Variants in CSNK1A1 observed in about 807,000 individuals in gnomAD.
CSNK1A1 encodes the protein casein kinase I isoform alpha.
In CSNK1A1, 7 loss-of-function variants were observed where a neutral mutation model predicts 46.1. That is an observed-to-expected ratio of 0.15 (90% CI 0.09 to 0.29). The LOEUF is 0.29. Among genes scored for constraint, CSNK1A1 ranks in the 10% least tolerant of loss-of-function variants. CSNK1A1 has a pLI of 1.00. For missense variants in CSNK1A1, 96 were observed against 417.1 expected (o/e 0.23, Z 6.71); for synonymous variants, 137 against 141.5 (o/e 0.97, Z 0.23).
intron 2 of CSNK1A1, among the ~76,000 whole-genome samples, chr5:149,526,014 T>C: frequency 6.6e-6 from 1 of 152,266 alleles, no homozygotes. Context: ...CATTTCTTTG[T>C]TAACTCCAAT....
chr5:149,496,281 G>C lies in CSNK1A1; in HGVS notation c.*572C>G, dbSNP rs1052175977. The C allele has an allele frequency of 4.1e-4, 63 of 152,912 alleles. No individual in the cohort carries two copies. The highest frequency in any genetic ancestry group is 2.1e-4 in the South Asian group (1 of 4,840). 9.5% of individuals were successfully genotyped at this position (152,912 alleles called of 1,614,324 possible). A position where few individuals can be genotyped will look rare whatever the true frequency, so the allele number is the denominator to read the frequency against. ...TTTCTAGCACAATTAAGCAGGCAGA[G>C]TCTTTCATATGCTCAAACACTGGAA... On this transcript the variant is annotated 3_prime_UTR_variant, in exon 10 of 10. Coordinates refer to ENST00000377843, the MANE Select transcript of CSNK1A1 (RefSeq NM_001892.6).
chr5:149,542,114 C>T (rs1762251709), intron 2 of CSNK1A1, among the ~76,000 whole-genome samples: 1 of 151,856 alleles, frequency 6.6e-6, no homozygotes, highest in Non-Finnish European at 1.5e-5. Flanking sequence ...CCAAAGCTGG[C>T]ATTACCGCCT....
rs766243676 is a variant in CSNK1A1, at chr5:149,520,271, C to T, written c.456+19G>A. ...AAACTTTACTCTTTGTTCTTTCATGCAAAGAGCATTTGACTAACCTTATTA... is the reference window on the plus strand; with the variant it reads ...AAACTTTACTCTTTGTTCTTTCATGTAAAGAGCATTTGACTAACCTTATTA... On this transcript the variant is annotated intron_variant, in intron 4 of 9. Coordinates refer to ENST00000377843, the MANE Select transcript of CSNK1A1 (RefSeq NM_001892.6). 7.7e-5 allele frequency: 111 copies of T among 1,448,582 alleles called. No homozygotes were observed. Among genetic ancestry groups the T allele is most frequent in the Non-Finnish European group, 9.1e-5 (95 of 1,041,190 alleles). The allele number at this position is 1,448,582 out of a possible 1,614,324, so 89.7% of individuals were successfully genotyped here.
chr5:149,516,181 A>C (rs577511993), intron 4 of CSNK1A1, among the ~76,000 whole-genome samples: 1 of 152,230 alleles, frequency 6.6e-6, no homozygotes, highest in South Asian at 2.1e-4. Flanking sequence ...TTAGCCGGGC[A>C]TGGTGGCGCA....
chr5:149,511,734 A>G (rs1761229263), intron 6 of CSNK1A1, 60 bp downstream of exon 6: 1 of 1,164,626 alleles, frequency 8.6e-7, no homozygotes, highest in Non-Finnish European at 1.3e-6. Context: ...TATCTTCTCC[A>G]ATATATATTT....
chr5:149,504,178 T>A, intron 9 of CSNK1A1: 1 of 985,428 alleles, frequency 1.0e-6, no homozygotes, highest in Non-Finnish European at 1.2e-6. Context: ...TGAGTTTACA[T>A]GTCACCATCT....
chr5:149,542,659 T>C (rs1306827386), intron 2 of CSNK1A1, among the ~76,000 whole-genome samples: 2 of 18,552 alleles, frequency 1.1e-4, no homozygotes, highest in Non-Finnish European at 1.7e-4. Flanking sequence ...TATATATATA[T>C]ATATATATAT....
At chr5:149,498,461 T>C (rs1760724969) in intron 9 of CSNK1A1, 1 of 985,280 alleles carries the variant, frequency 1.0e-6, no homozygotes, top group Admixed American at 6.1e-5. Flanking sequence ...AATCTGACTA[T>C]ACCCTGTGAC....
At chr5:149,505,695 C>T (rs992722848) in intron 8 of CSNK1A1, 100 bp from the exon 9 acceptor site, 110 of 938,124 alleles carry the variant, frequency 1.2e-4, no homozygotes, top group Non-Finnish European at 1.5e-4. Context: ...CTTTACACAA[C>T]GAATATTTCC....
At chr5:149,532,855 T>G (rs1761944166) in intron 2 of CSNK1A1, among the ~76,000 whole-genome samples, 1 of 152,196 alleles carries the variant, frequency 6.6e-6, no homozygotes, top group South Asian at 2.1e-4. Flanking sequence ...TACATAGATC[T>G]CATGGGGGGT....
intron 9 of CSNK1A1, chr5:149,503,161 T>G (rs374628082): frequency 1.0e-6 from 1 of 985,438 alleles, no homozygotes; most frequent in African/African-American, 1.7e-5. Flanking sequence ...AGGAATAACA[T>G]AGAGCAATTG....
chr5:149,532,103 T>C (rs1399681547), intron 2 of CSNK1A1, among the ~76,000 whole-genome samples: 2 of 152,196 alleles, frequency 1.3e-5, no homozygotes, highest in East Asian at 3.9e-4. Flanking sequence ...GATTTTGAAC[T>C]CCTGGCCTCA....
chr5:149,510,241 A>C (rs928161203), intron 6 of CSNK1A1, among the ~76,000 whole-genome samples: 3 of 152,062 alleles, frequency 2.0e-5, no homozygotes, highest in Non-Finnish European at 4.4e-5. Context: ...GCCAAAATTG[A>C]AAAGCATTTT....
chr5:149,542,616 A>ATATATATATGTATG (rs1561772201), intron 2 of CSNK1A1, among the ~76,000 whole-genome samples: 2 of 12,022 alleles, frequency 1.7e-4, no homozygotes, highest in South Asian at 3.3e-3. Flanking sequence ...ATATATATAT[A>ATATATATATGTATG]TATATATATA....
In CSNK1A1 at chr5:149,497,349, C is replaced by T. The variant is rs528205200; in HGVS notation, c.1007-489G>A. ...CTGTATTATTTTACTAAACAAAGAC[C>T]TGAGAAGCATGTAATTTCTGTAGAG... On this transcript the variant is annotated intron_variant, in intron 9 of 9. Transcript: ENST00000377843. The T allele has an allele frequency of 2.9e-5, 29 of 986,438 alleles. No individual in the cohort carries two copies. The Middle Eastern group carries it at 2.1e-3, about 71-fold the overall frequency. The allele number at this position is 986,438 out of a possible 1,614,324, so 61.1% of individuals were successfully genotyped here. A position where few individuals can be genotyped will look rare whatever the true frequency, so the allele number is the denominator to read the frequency against.
At chr5:149,497,038 TAAAAC>T in intron 9 of CSNK1A1, 178 bp from the exon 10 acceptor site, 1 of 1,419,430 alleles carries the variant, frequency 7.0e-7, no homozygotes. Context: ...AATCTATACT[TAAAAC>T]TAATTTTTTC....
Position 149,551,224 on chromosome 5 carries a change from G to A in CSNK1A1, c.-260C>T, listed in dbSNP as rs1762648844. 2 of 333,332 alleles carry A rather than the reference G, an allele frequency of 6.0e-6. No individual in the cohort carries two copies. 20.6% of individuals were successfully genotyped at this position (333,332 alleles called of 1,614,324 possible). A position where few individuals can be genotyped will look rare whatever the true frequency, so the allele number is the denominator to read the frequency against. ...CAGGCTGGGCCACTTGTTTCTCGGC[G>A]GCCGCCGCTGCCTCGCTTGCGCGGC... On this transcript the variant is annotated 5_prime_UTR_variant, in exon 1 of 10. Transcript: ENST00000377843.
chr5:149,550,170 C>T lies in CSNK1A1; in HGVS notation c.135G>A (p.Val45=). The T allele has an allele frequency of 6.2e-7, 1 of 1,613,744 alleles. No homozygotes were observed. The highest frequency in any genetic ancestry group is 8.5e-7 in the Non-Finnish European group (1 of 1,179,766). The stretch of plus-strand genomic sequence containing the variant: ...GCCTGGCCTTCTGAGATTCTAGCTT[C>T]ACTGCCACTTCCTGCAGGGGAAAGA... ...INITNGEEVA[V]KLESQKARHP... The change falls in exon 2 of 10, where the codon GTG becomes GTA. Residue 45 remains valine (V), a synonymous_variant. Transcript: ENST00000377843. The surrounding 1 kb of genome is among the most constrained non-coding windows in gnomAD (Gnocchi z 4.3).
At chr5:149,516,266 A>T (rs1412774370) in intron 4 of CSNK1A1, among the ~76,000 whole-genome samples, 1 of 152,122 alleles carries the variant, frequency 6.6e-6, no homozygotes, top group Non-Finnish European at 1.5e-5. Flanking sequence ...GCAGTGGGCC[A>T]AGATCGCACC....
Sources: allele counts gnomAD v4.1 joint callset (sites outside exome capture counted in the v4.1 genomes callset), GRCh38; gene constraint gnomAD v4.1.1; non-coding constraint Gnocchi (gnomAD v3.1); transcripts MANE v1.5; gene names NCBI Gene and HGNC (gene_info 2026-07-23, HGNC 2026-07-21).